DOCK1: variants seen among roughly 807,000 people sequenced by gnomAD.
The protein encoded by DOCK1 is dedicator of cytokinesis 1.
DOCK1 carries 138 observed loss-of-function variants against 262.7 expected under a neutral mutation model. The ratio of observed to expected loss-of-function variants is 0.53; its 90% CI spans 0.46 to 0.61. DOCK1 has a LOEUF of 0.61. Among genes scored for constraint, DOCK1 ranks in the 20% least tolerant of loss-of-function variants. DOCK1 has a pLI of 0.00. For synonymous variants in DOCK1, 866 were observed against 867.4 expected (o/e 1.00, Z 0.03); for missense variants, 1,908 against 2,370.7 (o/e 0.80, Z 4.05).
intron 31 of DOCK1, among the ~76,000 whole-genome samples, chr10:127,350,032 G>A (rs2133835401): frequency 6.6e-6 from 1 of 152,146 alleles, no homozygotes; most frequent in South Asian, 2.1e-4. Context: ...GCTTTAAAGG[G>A]GAGACAATCC....
chr10:127,394,405 G>A (rs1042411065), intron 38 of DOCK1, among the ~76,000 whole-genome samples: 1 of 149,526 alleles, frequency 6.7e-6, no homozygotes, highest in African/African-American at 2.5e-5. Context: ...AAAAATAGGA[G>A]TTTGGAGCAA....
chr10:127,280,717 A>G (rs993487852), intron 29 of DOCK1, among the ~76,000 whole-genome samples: 6 of 152,208 alleles, frequency 3.9e-5, no homozygotes, highest in African/African-American at 1.4e-4. Context: ...GCAAAATGCC[A>G]CCATTCTTCA....
At chr10:127,432,291 G>T (rs919469424) in intron 47 of DOCK1, among the ~76,000 whole-genome samples, 1 of 152,068 alleles carries the variant, frequency 6.6e-6, no homozygotes, top group African/African-American at 2.4e-5. Context: ...TAAGAAAAAG[G>T]CCCACTTTTC....
intron 1 of DOCK1, among the ~76,000 whole-genome samples, chr10:126,958,624 G>A (rs2036943000): frequency 6.6e-6 from 1 of 152,146 alleles, no homozygotes; most frequent in Admixed American, 6.5e-5. Context: ...TCTCTAGAAG[G>A]CTGAGTCCTT....
At chr10:127,361,128 T>G (rs1014127814) in intron 32 of DOCK1, among the ~76,000 whole-genome samples, 1 of 146,492 alleles carries the variant, frequency 6.8e-6, no homozygotes, top group Non-Finnish European at 1.5e-5. Context: ...TTTTTTTTTT[T>G]TTTGAGACAG....
intron 49 of DOCK1, among the ~76,000 whole-genome samples, chr10:127,442,546 A>T (rs1038256720): frequency 6.6e-6 from 1 of 152,236 alleles, no homozygotes; most frequent in Admixed American, 6.5e-5. Context: ...TACTGATGGA[A>T]CAAACAGGGA....
chr10:126,940,335 C>T (rs2034888539), intron 1 of DOCK1, among the ~76,000 whole-genome samples: 1 of 152,172 alleles, frequency 6.6e-6, no homozygotes, highest in East Asian at 1.9e-4. Context: ...TCTGTTTATT[C>T]TTTCAAACCA....
At chr10:127,197,981 GAT>G (rs1362853073) in intron 27 of DOCK1, among the ~76,000 whole-genome samples, 2 of 152,196 alleles carry the variant, frequency 1.3e-5, no homozygotes, top group East Asian at 1.9e-4. Context: ...TGGGGATCCA[GAT>G]ATGCCCAGGA....
In DOCK1 at chr10:127,366,462, G is replaced by A. The variant is rs370773550; in HGVS notation, c.3432+4250G>A. On this transcript the variant is annotated intron_variant, in intron 33 of 51. Coordinates refer to ENST00000623213, the MANE Select transcript of DOCK1 (RefSeq NM_001290223.2). ...GCTCCCCTGGCCTCCGTGGCAGTCG[G>A]TTGTGAAGCTTCATCAGTCCTCCCT... Among the ~76,000 whole-genome samples the A allele has an allele frequency of 2.6e-4, 39 of 152,210 alleles. No individual in the cohort carries two copies. In the East Asian group the frequency reaches 5.2e-3, roughly 20 times the overall value.
intron 43 of DOCK1, among the ~76,000 whole-genome samples, chr10:127,413,597 AG>A (rs1353832901): frequency 1.4e-4 from 22 of 152,128 alleles, no homozygotes; most frequent in Admixed American, 1.4e-3. Flanking sequence ...ACTGACGAGG[AG>A]GAAGATGAGA....
At chr10:127,187,487 G>A (rs1447234776) in intron 27 of DOCK1, among the ~76,000 whole-genome samples, 1 of 152,186 alleles carries the variant, frequency 6.6e-6, no homozygotes, top group East Asian at 1.9e-4. Flanking sequence ...TTGGAGGAGA[G>A]CATAGGTGTG....
chr10:127,412,563 T>G (rs2067922976), intron 43 of DOCK1, among the ~76,000 whole-genome samples: 2 of 152,208 alleles, frequency 1.3e-5, no homozygotes, highest in African/African-American at 4.8e-5. Context: ...ATGGCTTCTC[T>G]TGTGTGCCGT....
chr10:127,023,847 A>G (rs1473244381), intron 14 of DOCK1, among the ~76,000 whole-genome samples: 1 of 152,140 alleles, frequency 6.6e-6, no homozygotes, highest in Non-Finnish European at 1.5e-5. Flanking sequence ...TACAGATACC[A>G]TTGTTACGAT....
intron 2 of DOCK1, among the ~76,000 whole-genome samples, chr10:126,972,795 A>C (rs1441963461): frequency 2.6e-5 from 4 of 151,542 alleles, no homozygotes; most frequent in African/African-American, 7.3e-5. Context: ...TCCCTAAAAA[A>C]GTCCTGTCTG....
chr10:126,977,345 G>A (rs1315403948), intron 2 of DOCK1, among the ~76,000 whole-genome samples: 5 of 152,146 alleles, frequency 3.3e-5, no homozygotes, highest in Non-Finnish European at 2.9e-5. Flanking sequence ...TGGAAGGAGC[G>A]AGAAGTGGAG....
intron 14 of DOCK1, among the ~76,000 whole-genome samples, chr10:127,023,614 C>T (rs1455674816): frequency 6.0e-5 from 9 of 150,370 alleles, no homozygotes; most frequent in Admixed American, 3.3e-4. Flanking sequence ...TGTGTGCCAC[C>T]GTGCCTGGCT....
chr10:127,433,751 A>T (rs546742384), intron 48 of DOCK1, among the ~76,000 whole-genome samples: 1 of 152,172 alleles, frequency 6.6e-6, no homozygotes, highest in African/African-American at 2.4e-5. Context: ...CACGGGCCAC[A>T]TGCAGCCCAG....
At chr10:127,157,468 A>G (rs754339187) in intron 27 of DOCK1, among the ~76,000 whole-genome samples, 1 of 152,234 alleles carries the variant, frequency 6.6e-6, no homozygotes, top group African/African-American at 2.4e-5. Flanking sequence ...GTTGAATGAC[A>G]TGGAAACACT....
intron 29 of DOCK1, among the ~76,000 whole-genome samples, chr10:127,304,406 T>C (rs1367914531): frequency 5.9e-5 from 9 of 152,248 alleles, no homozygotes; most frequent in Non-Finnish European, 1.0e-4. Context: ...TCACTAACCT[T>C]ACCAAAGAGA....
Sources: gnomAD v4.1 joint callset for allele counts (sites outside exome capture counted in the v4.1 genomes callset) on GRCh38, gnomAD v4.1.1 for gene constraint, MANE v1.5 for transcripts, NCBI Gene and HGNC (gene_info 2026-07-23, HGNC 2026-07-21) for gene names.